Variants in MOCOS observed in about 807,000 individuals in gnomAD.
The protein encoded by MOCOS is human molybdenum cofactor sulfurase.
MOCOS carries 86 observed loss-of-function variants against 83.6 expected under a neutral mutation model. The ratio of observed to expected loss-of-function variants is 1.03; its 90% CI spans 0.86 to 1.23. MOCOS has a LOEUF of 1.23. Ranked by LOEUF, MOCOS falls within the 50% of genes most tolerant of loss-of-function variation. The pLI is 0.00. For synonymous variants in MOCOS, 445 were observed against 434.7 expected (o/e 1.02, Z -0.29); for missense variants, 1,120 against 1,126.9 (o/e 0.99, Z 0.09).
In MOCOS at chr18:36,269,008, C is replaced by T. The variant is rs1268348285; in HGVS notation, c.*323C>T. Reference sequence around the variant, plus strand: ...TTCACTGGGAAGATTGAACTTACTGCGGGTCCCTATTTTGCCATTTTCTCA... The same window carrying T: ...TTCACTGGGAAGATTGAACTTACTGTGGGTCCCTATTTTGCCATTTTCTCA... On this transcript the variant is annotated 3_prime_UTR_variant, in exon 15 of 15. Transcript: ENST00000261326. 4.6e-5 allele frequency: 15 copies of T among 324,394 alleles called. No homozygotes were observed. The highest frequency in any genetic ancestry group is 8.6e-5 in the African/African-American group (4 of 46,490). The allele number at this position is 324,394 out of a possible 1,614,324, so 20.1% of individuals were successfully genotyped here. A position where few individuals can be genotyped will look rare whatever the true frequency, so the allele number is the denominator to read the frequency against.
chr18:36,259,445 T>C (rs1157431900), intron 12 of MOCOS, among the ~76,000 whole-genome samples: 2 of 88,910 alleles, frequency 2.2e-5, no homozygotes, highest in Non-Finnish European at 4.6e-5. Context: ...CAAGACCTTG[T>C]CTCAAAAAAA....
At chr18:36,219,403 G>A (rs1222680429) in intron 8 of MOCOS, among the ~76,000 whole-genome samples, 1 of 152,108 alleles carries the variant, frequency 6.6e-6, no homozygotes, top group South Asian at 2.1e-4. Flanking sequence ...AAAGGGGTGG[G>A]CGTGGTGGCT....
intron 9 of MOCOS, among the ~76,000 whole-genome samples, chr18:36,226,992 T>C (rs1486798607): frequency 6.7e-6 from 1 of 150,242 alleles, no homozygotes; most frequent in Non-Finnish European, 1.5e-5. Flanking sequence ...GCTCAAGCAA[T>C]CATCCCACCT....
intron 12 of MOCOS, among the ~76,000 whole-genome samples, chr18:36,259,599 G>A (rs1211831479): frequency 6.6e-6 from 1 of 151,424 alleles, no homozygotes; most frequent in Non-Finnish European, 1.5e-5. Flanking sequence ...GAAAAGAAGG[G>A]GGAAAAAAGG....
chr18:36,243,114 C>T (rs756332094), intron 9 of MOCOS, among the ~76,000 whole-genome samples: 3 of 152,102 alleles, frequency 2.0e-5, no homozygotes, highest in African/African-American at 7.2e-5. Context: ...GATTTGTGTA[C>T]GTTGATTTTG....
At position 36,217,796 on chromosome 18, in the gene MOCOS, G is replaced by A. The variant is rs190502130; in HGVS notation, c.1797+1819G>A. Among the ~76,000 whole-genome samples the A allele has an allele frequency of 2.1e-4, 32 of 152,324 alleles. No individual in the cohort carries two copies. The East Asian group carries it at 5.0e-3, about 24-fold the overall frequency. ...TAGGAAATAAGTGGAGGGGATGTAT[G>A]AAACTTACAGAATGTAACCCACAGC... is the stretch of plus-strand genomic sequence containing the variant. On this transcript the variant is annotated intron_variant, in intron 8 of 14. Transcript: ENST00000261326.
Position 36,215,601 on chromosome 18 carries a change from C to G in MOCOS, c.1421C>G (p.Thr474Arg). ...AGGATTTCATTTGGATACATGTCGACGCTGGATGATGTCCAGGCCTTTCTT... is the reference window on the plus strand; with the variant it reads ...AGGATTTCATTTGGATACATGTCGAGGCTGGATGATGTCCAGGCCTTTCTT... Reference protein sequence around the residue: ...SVRISFGYMSTLDDVQAFLRF... With the variant: ...SVRISFGYMSRLDDVQAFLRF... Residue 474 changes from threonine (T) to arginine (R), a missense_variant, in exon 8 of 15, where the codon ACG becomes AGG. Transcript: ENST00000261326. The G allele has an allele frequency of 6.2e-7, 1 of 1,614,122 alleles. No homozygotes were observed. Among genetic ancestry groups the G allele is most frequent in the Non-Finnish European group, 8.5e-7 (1 of 1,180,030 alleles).
chr18:36,228,465 TGTG>T (rs2144929803), intron 9 of MOCOS, among the ~76,000 whole-genome samples: 1 of 152,172 alleles, frequency 6.6e-6, no homozygotes, highest in African/African-American at 2.4e-5. Context: ...ATAAAGAAAA[TGTG>T]GTACATATAC....
intron 9 of MOCOS, among the ~76,000 whole-genome samples, chr18:36,222,969 C>G (rs1200558301): frequency 6.6e-6 from 1 of 152,122 alleles, no homozygotes; most frequent in Non-Finnish European, 1.5e-5. Context: ...GTAGGAGTTC[C>G]TTATATATCT....
chr18:36,257,261 G>A (rs1201896895), intron 12 of MOCOS, among the ~76,000 whole-genome samples, 188 bp downstream of exon 12: 1 of 152,148 alleles, frequency 6.6e-6, no homozygotes, highest in Non-Finnish European at 1.5e-5. Context: ...CATCTTTATA[G>A]AGGGTTATCT....
chr18:36,266,994 TATCCTTGTTTGTAGTTTC>T, intron 14 of MOCOS, 141 bp downstream of exon 14: 4 of 717,828 alleles, frequency 5.6e-6, no homozygotes, highest in Non-Finnish European at 9.6e-6. Flanking sequence ...GCCATTAACC[TATCCTTGTTTGTAGTTTC>T]ATTTTATTTT....
intron 2 of MOCOS, 35 bp downstream of exon 2, chr18:36,195,381 C>A (rs1425018915): frequency 6.6e-7 from 1 of 1,520,732 alleles, no homozygotes; most frequent in Non-Finnish European, 9.1e-7. Context: ...TTTTAGTCAA[C>A]TACATGCAGC....
intron 7 of MOCOS, among the ~76,000 whole-genome samples, chr18:36,214,055 AACATG>A (rs1286089383): frequency 1.3e-5 from 2 of 152,020 alleles, no homozygotes; most frequent in African/African-American, 2.4e-5. Flanking sequence ...CAGCCTGACC[AACATG>A]GAGAAACCCT....
chr18:36,209,434 G>A (rs746244651), intron 6 of MOCOS, among the ~76,000 whole-genome samples: 3 of 152,030 alleles, frequency 2.0e-5, no homozygotes, highest in South Asian at 4.1e-4. Flanking sequence ...TGGTGCATCC[G>A]TCACTTAAGC....
chr18:36,193,219 G>A (rs1458670282), intron 1 of MOCOS, among the ~76,000 whole-genome samples: 1 of 148,522 alleles, frequency 6.7e-6, no homozygotes, highest in Non-Finnish European at 1.5e-5. Context: ...GCTGAGGCAG[G>A]AGAATGGTGT....
At chr18:36,213,269 T>A in intron 6 of MOCOS, 97 bp from the exon 7 acceptor site, 1 of 916,768 alleles carries the variant, frequency 1.1e-6, no homozygotes, top group Non-Finnish European at 1.8e-6. Context: ...ATCATCATTT[T>A]ATTATTAGGA....
At chr18:36,206,264 TGAGATGGAG>T (rs2091434561) in intron 6 of MOCOS, among the ~76,000 whole-genome samples, 2 of 144,920 alleles carry the variant, frequency 1.4e-5, no homozygotes, top group African/African-American at 2.5e-5. Context: ...TTTTTTTTTT[TGAGATGGAG>T]TCTTGCTCTG....
intron 14 of MOCOS, among the ~76,000 whole-genome samples, chr18:36,267,510 A>T (rs1489499562): frequency 6.6e-6 from 1 of 152,250 alleles, no homozygotes; most frequent in Non-Finnish European, 1.5e-5. Context: ...AAGTTAATTC[A>T]TGGTAAAATG....
At chr18:36,199,598 A>G (rs2091403061) in intron 3 of MOCOS, 85 bp from the exon 4 acceptor site, 6 of 1,589,040 alleles carry the variant, frequency 3.8e-6, no homozygotes, top group East Asian at 2.2e-5. Context: ...TAGAGATGTC[A>G]TAGTTAATAG....
Sources: allele counts gnomAD v4.1 joint callset (sites outside exome capture counted in the v4.1 genomes callset), GRCh38; gene constraint gnomAD v4.1.1; transcripts MANE v1.5; gene names NCBI Gene and HGNC (gene_info 2026-07-23, HGNC 2026-07-21).